Variants in QDPR observed in about 807,000 individuals in gnomAD.
QDPR encodes quinoid dihydropteridine reductase, also known as dihydropteridine reductase.
QDPR carries 23 observed loss-of-function variants against 31.7 expected under a neutral mutation model. The observed-to-expected ratio is 0.73, with a 90% CI of 0.52 to 1.03. The LOEUF (loss-of-function observed/expected upper bound fraction) is 1.03, where lower values mean the gene tolerates loss of function less well. QDPR is among the 50% of genes least tolerant of loss of function. The probability of loss-of-function intolerance (pLI) is 0.00; values close to 1 mark genes in which losing one functional copy is unlikely to be tolerated. For synonymous variants in QDPR, 124 were observed against 124.7 expected (o/e 0.99, Z 0.03); for missense variants, 324 against 323.8 (o/e 1.00, Z 0.00).
intron 2 of QDPR, among the ~76,000 whole-genome samples, chr4:17,505,166 G>C (rs540714628): frequency 6.6e-6 from 1 of 151,360 alleles, no homozygotes; most frequent in East Asian, 1.9e-4. Flanking sequence ...CATCCACCAC[G>C]ACTCTTCCGT....
chr4:17,509,620 G>A (rs1235950909), intron 1 of QDPR, among the ~76,000 whole-genome samples: 4 of 152,100 alleles, frequency 2.6e-5, no homozygotes, highest in Admixed American at 1.3e-4. Flanking sequence ...CCAGCTACCC[G>A]GGAGGTTGAG....
intron 4 of QDPR, among the ~76,000 whole-genome samples, chr4:17,495,501 T>C (rs1166186478): frequency 6.6e-6 from 1 of 152,196 alleles, no homozygotes; most frequent in Non-Finnish European, 1.5e-5. Context: ...CACTGTGACT[T>C]GGGCGAGCAG....
intron 4 of QDPR, among the ~76,000 whole-genome samples, chr4:17,498,126 C>G (rs1176287965): frequency 2.6e-5 from 4 of 152,190 alleles, no homozygotes; most frequent in Non-Finnish European, 1.5e-5. Flanking sequence ...CTGAAAACCA[C>G]TATTTCTTCT....
At chr4:17,496,953 G>C (rs994768729) in intron 4 of QDPR, among the ~76,000 whole-genome samples, 3 of 152,112 alleles carry the variant, frequency 2.0e-5, no homozygotes, top group Admixed American at 2.0e-4. Flanking sequence ...GATGGGGTTT[G>C]ACCATGTTGG....
rs757277983 is a variant in QDPR at position 17,487,247 on chromosome 4, A to G, written c.630-11T>C. ...CAGTCATGGAAAGTTCTGGAACAGA[A>G]AATAAAAGTTTTTTTTATATTCTCA... On this transcript the variant is annotated splice_polypyrimidine_tract_variant and intron_variant, in intron 6 of 6. Coordinates refer to ENST00000281243, the MANE Select transcript of QDPR (RefSeq NM_000320.3). 17 of 1,611,540 alleles carry G rather than the reference A, an allele frequency of 1.1e-5. No homozygotes were observed. The highest frequency in any genetic ancestry group is 1.4e-5 in the Non-Finnish European group (17 of 1,177,768).
intron 3 of QDPR, among the ~76,000 whole-genome samples, 184 bp from the exon 4 acceptor site, chr4:17,502,043 T>C (rs1718583951): frequency 6.6e-6 from 1 of 152,190 alleles, no homozygotes; most frequent in African/African-American, 2.4e-5. Flanking sequence ...ATCCAGGCCA[T>C]GGGATTGCCT....
intron 4 of QDPR, among the ~76,000 whole-genome samples, chr4:17,499,701 C>T (rs1718491735): frequency 1.3e-5 from 2 of 152,182 alleles, no homozygotes; most frequent in African/African-American, 2.4e-5. Flanking sequence ...AGGAGCATCA[C>T]CTGAAGCCAG....
chr4:17,487,345 G>A, intron 6 of QDPR, 109 bp from the exon 7 acceptor site: 1 of 834,234 alleles, frequency 1.2e-6, no homozygotes, highest in African/African-American at 1.7e-5. Flanking sequence ...TGGCACAGCA[G>A]CGACTGTTTA....
intron 1 of QDPR, chr4:17,509,871 C>T (rs1235608151): frequency 2.3e-6 from 1 of 442,600 alleles, no homozygotes; most frequent in East Asian, 7.0e-5. Context: ...AAAACACAAA[C>T]CCTGCACTTC....
intron 1 of QDPR, among the ~76,000 whole-genome samples, chr4:17,511,418 A>G (rs187121564): frequency 6.6e-6 from 1 of 152,232 alleles, no homozygotes; most frequent in African/African-American, 2.4e-5. Flanking sequence ...TAATAGTAAC[A>G]TTAATAGACA....
intron 4 of QDPR, among the ~76,000 whole-genome samples, chr4:17,494,617 T>C (rs1718287794): frequency 2.0e-5 from 3 of 152,228 alleles, no homozygotes; most frequent in South Asian, 2.1e-4. Context: ...ATTGATTGTT[T>C]TTTTTCCAGG....
chr4:17,509,404 G>C (rs953224653), intron 1 of QDPR, 41 bp from the exon 2 acceptor site: 10 of 1,547,488 alleles, frequency 6.5e-6, no homozygotes, highest in Non-Finnish European at 7.1e-6. Flanking sequence ...GCAGTGAGTT[G>C]TTATTCCATG....
Position 17,490,642 on chromosome 4 carries a change from G to A in QDPR, c.629+20C>T. On this transcript the variant is annotated intron_variant, in intron 6 of 6. Transcript: ENST00000281243. ...AGGGGCTGGAAGCTGCTCAGTCATG[G>A]ACATGTCTGTAATACTCACTCAACT... 6.3e-7 allele frequency: 1 copy of A among 1,586,872 alleles called. No homozygotes were observed. The highest frequency in any genetic ancestry group is 8.7e-7 in the Non-Finnish European group (1 of 1,155,414).
intron 4 of QDPR, among the ~76,000 whole-genome samples, chr4:17,497,365 C>A (rs1718400783): frequency 6.6e-6 from 1 of 151,836 alleles, no homozygotes. Context: ...TTTTCCAAGA[C>A]CCTGTTTGAA....
At chr4:17,497,721 A>C (rs79283981) in intron 4 of QDPR, among the ~76,000 whole-genome samples, 22,199 of 152,172 alleles carry the variant, frequency 0.15, 1,876 homozygotes, top group Admixed American at 0.22. Flanking sequence ...TGGTGATGAA[A>C]TAAGATCAAG....
chr4:17,508,356 T>C (rs561651697), intron 2 of QDPR, among the ~76,000 whole-genome samples: 1 of 152,322 alleles, frequency 6.6e-6, no homozygotes, highest in African/African-American at 2.4e-5. Context: ...CAAGAATTGT[T>C]TGAATCCGGG....
intron 4 of QDPR, among the ~76,000 whole-genome samples, chr4:17,497,432 C>T (rs1232674759): frequency 6.6e-6 from 1 of 152,090 alleles, no homozygotes; most frequent in East Asian, 1.9e-4. Flanking sequence ...AAGAGCACTC[C>T]GCTTAGACCG....
chr4:17,496,022 AAAAT>A (rs150999940), intron 4 of QDPR, among the ~76,000 whole-genome samples: 7 of 151,264 alleles, frequency 4.6e-5, no homozygotes, highest in Non-Finnish European at 8.8e-5. Flanking sequence ...AAAAAAAAGG[AAAAT>A]AAATAAATAA....
At position 17,501,740 on chromosome 4, in the gene QDPR, C is replaced by G. The variant is rs779606633; in HGVS notation, c.415G>C (p.Ala139Pro). The change falls in exon 4 of 7, where the codon GCT becomes CCT. Residue 139 changes from alanine (A) to proline (P), a missense_variant. Ala to Pro is a conservative substitution (Grantham distance 27, BLOSUM62 -1). Transcript: ENST00000281243. ...GGLLTLAGAK[A>P]ALDGTPGMIG... ...TTACCAGGAGTCCCATCCAGGGCAGCCTTTGCGCCAGCCAAGGTCAGGAGG... is the reference window on the plus strand; with the variant it reads ...TTACCAGGAGTCCCATCCAGGGCAGGCTTTGCGCCAGCCAAGGTCAGGAGG... 23 of 1,614,118 alleles carry G rather than the reference C, an allele frequency of 1.4e-5. No homozygotes were observed. The highest frequency in any genetic ancestry group is 1.5e-5 in the Non-Finnish European group (18 of 1,180,016).
Sources: gnomAD v4.1 joint callset for allele counts (sites outside exome capture counted in the v4.1 genomes callset) on GRCh38, gnomAD v4.1.1 for gene constraint, MANE v1.5 for transcripts, NCBI Gene and HGNC (gene_info 2026-07-23, HGNC 2026-07-21) for gene names.